ADAT1: variants seen among roughly 807,000 people sequenced by gnomAD.
ADAT1 encodes the protein adenosine deaminase tRNA specific 1, also known as tRNA-specific adenosine deaminase 1.
A neutral mutation model predicts 58.6 loss-of-function variants in ADAT1; 58 were observed. That is an observed-to-expected ratio of 0.99 (90% CI 0.80 to 1.23). ADAT1 has a LOEUF of 1.23. Ranked by LOEUF, ADAT1 falls within the 50% of genes most tolerant of loss-of-function variation. The pLI is 0.00. For synonymous variants in ADAT1, 254 were observed against 220.8 expected, an observed-to-expected ratio of 1.15 and a Z score of -1.33; for missense variants, 741 against 608.6, an observed-to-expected ratio of 1.22 and a Z score of -2.29.
chr16:75,618,436 G>A, intron 4 of ADAT1, 150 bp downstream of exon 4: 2 of 400,300 alleles, frequency 5.0e-6, no homozygotes, highest in South Asian at 7.4e-5. Flanking sequence ...AACCCAGCAG[G>A]CGGAGGTTGC....
Position 75,600,234 on chromosome 16 carries a change from A to C in ADAT1, c.1491T>G (p.Asp497Glu), listed in dbSNP as rs868261779. 1.5e-5 allele frequency: 24 copies of C among 1,614,054 alleles called. No individual in the cohort carries two copies. The African/African-American group carries it at 2.8e-4, about 19-fold the overall frequency. Residue 497 changes from aspartate to glutamate, a missense_variant, in exon 10 of 10, where the codon GAT becomes GAG. By Grantham distance (45) the Asp-to-Glu change is conservative. Transcript: ENST00000564657. Reference sequence around the variant, plus strand: ...TTCCTTCTCACTTGAACTGGTGATAATCCGGTGGGTTTCTGATCCAGGATC... The same window carrying C: ...TTCCTTCTCACTTGAACTGGTGATACTCCGGTGGGTTTCTGATCCAGGATC... ...VFGSWIRNPPDYHQFK is the reference protein window; with the variant it reads ...VFGSWIRNPPEYHQFK
At chr16:75,608,693 C>T in intron 7 of ADAT1, 150 bp downstream of exon 7, 2 of 912,818 alleles carry the variant, frequency 2.2e-6, no homozygotes, top group Non-Finnish European at 3.2e-6. Flanking sequence ...AGAGCATAAA[C>T]GTGACCCACT....
chr16:75,605,114 G>C (rs1350182315), intron 8 of ADAT1, among the ~76,000 whole-genome samples: 2 of 152,058 alleles, frequency 1.3e-5, no homozygotes, highest in Non-Finnish European at 2.9e-5. Context: ...TTTTTGAAAT[G>C]GAGTCTCATT....
chr16:75,608,075 G>A, intron 8 of ADAT1, 149 bp downstream of exon 8: 1 of 641,306 alleles, frequency 1.6e-6, no homozygotes, highest in African/African-American at 1.8e-5. Context: ...TAAATTAGAG[G>A]TTTCCAAGGG....
At chr16:75,621,876 T>C (rs555614232) in intron 1 of ADAT1, among the ~76,000 whole-genome samples, 4 of 152,324 alleles carry the variant, frequency 2.6e-5, no homozygotes, top group African/African-American at 9.6e-5. Context: ...GAGCTTGTGA[T>C]AGACATAGCT....
At chr16:75,600,422 C>G in intron 9 of ADAT1, 74 bp from the exon 10 acceptor site, 2 of 1,585,252 alleles carry the variant, frequency 1.3e-6, no homozygotes, top group Admixed American at 1.7e-5. Flanking sequence ...GACACCTGAG[C>G]AAGCAACTGG....
At chr16:75,605,287 C>T (rs558423702) in intron 8 of ADAT1, among the ~76,000 whole-genome samples, 167 of 152,080 alleles carry the variant, frequency 1.1e-3, no homozygotes, top group African/African-American at 3.9e-3. Context: ...GACGGTTTCG[C>T]CATGTTGGCC....
Position 75,608,589 on chromosome 16 carries a change from A to C in ADAT1, c.1189+254T>G. The C allele has an allele frequency of 3.1e-5, 18 of 586,126 alleles. No homozygotes were observed. In the South Asian group the frequency reaches 4.0e-4, roughly 13 times the overall value. 36.3% of individuals were successfully genotyped at this position (586,126 alleles called of 1,614,324 possible). A position where few individuals can be genotyped will look rare whatever the true frequency, so the allele number is the denominator to read the frequency against. The stretch of plus-strand genomic sequence containing the variant: ...ATGCATTAAACAGAATTTCTCACTG[A>C]ATCTTCCCAATAACCCTGATAAATG... On this transcript the variant is annotated intron_variant, in intron 7 of 9. Transcript: ENST00000564657.
chr16:75,609,125 A>G (rs112145610), intron 6 of ADAT1, 137 bp from the exon 7 acceptor site: 19 of 1,020,360 alleles, frequency 1.9e-5, no homozygotes, highest in African/African-American at 6.5e-5. Flanking sequence ...ACAGTGTTTC[A>G]GAATAGAATC....
rs1459872827 is a variant in ADAT1 at position 75,608,761 on chromosome 16, G to T, written c.1189+82C>A. 14 of 1,519,844 alleles carry T rather than the reference G, an allele frequency of 9.2e-6. No homozygotes were observed. In the South Asian group the frequency reaches 1.8e-4, roughly 19 times the overall value. The allele number at this position is 1,519,844 out of a possible 1,614,324, so 94.1% of individuals were successfully genotyped here. ...CTAGAGTGGTGAACTACCTTCCTAG[G>T]CTGGGAGGATGCCGACCCTCTGGGG... On this transcript the variant is annotated intron_variant, in intron 7 of 9. Coordinates refer to ENST00000564657, the MANE Select transcript of ADAT1 (RefSeq NM_001324445.2).
chr16:75,622,069 G>A (rs2081948972), intron 1 of ADAT1, among the ~76,000 whole-genome samples: 1 of 152,232 alleles, frequency 6.6e-6, no homozygotes, highest in Non-Finnish European at 1.5e-5. Flanking sequence ...AGAATCGCTT[G>A]AACCCGGGAG....
intron 7 of ADAT1, 67 bp from the exon 8 acceptor site, chr16:75,608,390 TAAAAA>T: frequency 7.4e-7 from 1 of 1,355,562 alleles, no homozygotes; most frequent in Non-Finnish European, 1.1e-6. Flanking sequence ...AGTATTTTAA[TAAAAA>T]TATTTCTCTG....
chr16:75,616,613 C>A (rs1038650207), intron 5 of ADAT1, among the ~76,000 whole-genome samples: 2 of 152,192 alleles, frequency 1.3e-5, no homozygotes, highest in African/African-American at 4.8e-5. Context: ...TCTTATGCAA[C>A]CATAGCACCT....
rs918801159 is a variant in ADAT1, at chr16:75,598,124, T to A, written c.*2092A>T. 5.7e-6 allele frequency: 1 copy of A among 174,442 alleles called. No homozygotes were observed. Among genetic ancestry groups the A allele is most frequent in the East Asian group, 1.9e-4 (1 of 5,382 alleles). 10.8% of individuals were successfully genotyped at this position (174,442 alleles called of 1,614,324 possible). ...TGGAGTCTTGCTCTGTCACCCAGGC[T>A]AGAGTGCAGTGGCACGATCCTGGCT... On this transcript the variant is annotated 3_prime_UTR_variant, in exon 10 of 10. Transcript: ENST00000564657.
Position 75,618,759 on chromosome 16 carries a change from C to T in ADAT1, c.239-119G>A, listed in dbSNP as rs895618090. ...GGATGGTCATGTAGCTCCTGGAGAGCTTTGCCAGAAGGTACCACAATCATG... is the reference window on the plus strand; with the variant it reads ...GGATGGTCATGTAGCTCCTGGAGAGTTTTGCCAGAAGGTACCACAATCATG... On this transcript the variant is annotated intron_variant, in intron 3 of 9. Coordinates refer to ENST00000564657, the MANE Select transcript of ADAT1 (RefSeq NM_001324445.2). 3.4e-6 allele frequency: 4 copies of T among 1,177,470 alleles called. No homozygotes were observed. The African/African-American group carries it at 6.2e-5, about 18-fold the overall frequency. 72.9% of individuals were successfully genotyped at this position (1,177,470 alleles called of 1,614,324 possible).
intron 6 of ADAT1, among the ~76,000 whole-genome samples, chr16:75,610,362 C>T (rs181991825): frequency 7.1e-4 from 107 of 150,844 alleles, no homozygotes; most frequent in African/African-American, 2.0e-3. Flanking sequence ...GTGGTGAAAT[C>T]ACGGTTCACT....
At chr16:75,605,706 C>T (rs2081349671) in intron 8 of ADAT1, among the ~76,000 whole-genome samples, 3 of 151,702 alleles carry the variant, frequency 2.0e-5, no homozygotes, top group Admixed American at 6.6e-5. Context: ...GAGGCTGAGG[C>T]GGGTGGATCA....
chr16:75,619,767 G>A, intron 3 of ADAT1: 3 of 378,286 alleles, frequency 7.9e-6, no homozygotes, highest in South Asian at 3.8e-5. Flanking sequence ...AAAATTAGCT[G>A]GGCGTGATGG....
intron 5 of ADAT1, among the ~76,000 whole-genome samples, chr16:75,615,185 A>G (rs75060594): frequency 2.5e-4 from 28 of 109,836 alleles, no homozygotes; most frequent in Non-Finnish European, 3.6e-4. Context: ...CGAGATCGAG[A>G]AAAAAAAAAA....
Sources: gnomAD v4.1 joint callset for allele counts (sites outside exome capture counted in the v4.1 genomes callset) on GRCh38, gnomAD v4.1.1 for gene constraint, MANE v1.5 for transcripts, NCBI Gene and HGNC (gene_info 2026-07-23, HGNC 2026-07-21) for gene names.